The following DLGAP2 variants were observed in gnomAD, a reference collection of about 807,000 sequenced individuals.
DLGAP2 encodes the protein DLG associated protein 2, also known as disks large-associated protein 2.
A neutral mutation model predicts 100.3 loss-of-function variants in DLGAP2; 26 were observed. The observed-to-expected ratio is 0.26, with a 90% CI of 0.19 to 0.36. The LOEUF is 0.36. Ranked by LOEUF, DLGAP2 falls within the 10% of genes least tolerant of loss-of-function variation. DLGAP2 has a pLI of 1.00. For synonymous variants in DLGAP2, 886 were observed against 630.1 expected, an observed-to-expected ratio of 1.41 and a Z score of -6.08; for missense variants, 1,858 against 1,453.2, an observed-to-expected ratio of 1.28 and a Z score of -4.53.
chr8:1,437,630 C>T (rs1053404060), intron 3 of DLGAP2, among the ~76,000 whole-genome samples: 7 of 151,746 alleles, frequency 4.6e-5, no homozygotes, highest in African/African-American at 9.7e-5. Context: ...AAGTTATTTC[C>T]CCTCCATCAG....
At chr8:1,593,479 AAAAT>A (rs894731554) in intron 6 of DLGAP2, among the ~76,000 whole-genome samples, 13 of 151,836 alleles carry the variant, frequency 8.6e-5, no homozygotes, top group East Asian at 1.9e-4. Flanking sequence ...TAATAAAATA[AAAAT>A]AAATAAATAA....
intron 3 of DLGAP2, among the ~76,000 whole-genome samples, chr8:1,302,989 G>T (rs1024527256): frequency 1.3e-5 from 2 of 152,232 alleles, no homozygotes; most frequent in Non-Finnish European, 1.5e-5. Flanking sequence ...TTCCTTAGCT[G>T]TCGGCTGCAG....
intron 5 of DLGAP2, among the ~76,000 whole-genome samples, chr8:1,565,038 G>C (rs939079970): frequency 1.3e-5 from 2 of 151,828 alleles, no homozygotes; most frequent in South Asian, 4.1e-4. Context: ...CGTATAACAC[G>C]CACAGGTGAT....
At chr8:1,499,917 A>G (rs372154800) in intron 3 of DLGAP2, among the ~76,000 whole-genome samples, 9 of 143,260 alleles carry the variant, frequency 6.3e-5, no homozygotes, top group African/African-American at 1.8e-4. Flanking sequence ...AAGTGGCTCC[A>G]GCATCACACT....
chr8:1,676,131 CT>C (rs1184631531), intron 10 of DLGAP2, among the ~76,000 whole-genome samples: 1 of 152,158 alleles, frequency 6.6e-6, no homozygotes, highest in East Asian at 1.9e-4. Flanking sequence ...CAGTATAAGT[CT>C]TTTAAATCGC....
chr8:1,165,473 G>T (rs886488234), intron 2 of DLGAP2, among the ~76,000 whole-genome samples: 8 of 152,284 alleles, frequency 5.3e-5, no homozygotes, highest in African/African-American at 1.9e-4. Context: ...TGTTTTTGGT[G>T]CAAAGGGCAT....
intron 2 of DLGAP2, among the ~76,000 whole-genome samples, chr8:1,227,899 G>A (rs185569783): frequency 4.6e-5 from 7 of 152,286 alleles, no homozygotes; most frequent in Admixed American, 4.6e-4. Context: ...GTACGTCTTA[G>A]CTGCTCTTGC....
chr8:1,372,059 A>T (rs1326559404), intron 3 of DLGAP2, among the ~76,000 whole-genome samples: 1 of 152,200 alleles, frequency 6.6e-6, no homozygotes, highest in African/African-American at 2.4e-5. Context: ...TGAGGCACAC[A>T]CTGCTCAGGC....
chr8:1,417,668 C>A (rs11781585), intron 3 of DLGAP2, among the ~76,000 whole-genome samples: 62,641 of 116,566 alleles, frequency 0.54, 19,290 homozygotes, highest in African/African-American at 0.69. Context: ...TGCCTCACTC[C>A]GCGAGGCTCC....
chr8:1,235,424 A>G lies in DLGAP2; in HGVS notation c.74-23427A>G, dbSNP rs373241285. On this transcript the variant is annotated intron_variant, in intron 2 of 14. Coordinates refer to ENST00000637795, the MANE Select transcript of DLGAP2 (RefSeq NM_001346810.2). ...TTCTCTCTCACGTGGCATCGTGTCTAGTTCCCTCACACATGGCGTCGTGTC... is the reference window on the plus strand; with the variant it reads ...TTCTCTCTCACGTGGCATCGTGTCTGGTTCCCTCACACATGGCGTCGTGTC... Among the ~76,000 whole-genome samples, 3 of 149,050 alleles carry G rather than the reference A, an allele frequency of 2.0e-5. No individual in the cohort carries two copies. In the South Asian group the frequency reaches 6.4e-4, roughly 32 times the overall value.
intron 2 of DLGAP2, among the ~76,000 whole-genome samples, chr8:962,350 C>G (rs1300265915): frequency 6.6e-6 from 1 of 152,182 alleles, no homozygotes; most frequent in Non-Finnish European, 1.5e-5. Flanking sequence ...CTCATCAGTG[C>G]CATCCGGTCT....
At chr8:1,092,290 G>A (rs776201801) in intron 2 of DLGAP2, among the ~76,000 whole-genome samples, 3 of 152,188 alleles carry the variant, frequency 2.0e-5, no homozygotes, top group African/African-American at 4.8e-5. Context: ...CCACTGTGCC[G>A]GGCTGGCACC....
chr8:1,194,799 G>A (rs17065776), intron 2 of DLGAP2, among the ~76,000 whole-genome samples: 6,102 of 152,218 alleles, frequency 0.04, 406 homozygotes, highest in African/African-American at 0.14. Context: ...GTCTCTTATC[G>A]TCCTCTCTGG....
At position 1,154,864 on chromosome 8, in the gene DLGAP2, C is replaced by T. The variant is rs181502713; in HGVS notation, c.74-103987C>T. ...TTAGGATTTCAGCTGCCGCTCTGCT[C>T]TTCCACCCTCCAGTGTCTGCTACCT... is the stretch of plus-strand genomic sequence containing the variant. On this transcript the variant is annotated intron_variant, in intron 2 of 14. Transcript: ENST00000637795. Among the ~76,000 whole-genome samples the T allele has an allele frequency of 1.9e-3, 289 of 152,340 alleles. 3 individuals are homozygous for T. In the South Asian group the frequency reaches 0.022, roughly 11 times the overall value.
chr8:1,624,197 G>T lies in DLGAP2; in HGVS notation c.1443-2543G>T, dbSNP rs34730081. 4.7e-3 allele frequency among the ~76,000 whole-genome samples: 721 copies of T among 152,292 alleles called. 3 individuals are homozygous for T. The highest frequency in any genetic ancestry group is 6.5e-3 in the Non-Finnish European group (444 of 68,034). ...AACGGTGGTGTTAATCAGAAGGAAC[G>T]GCTGTTGTATTGGAAGAAAATTGGT... is the stretch of plus-strand genomic sequence containing the variant. On this transcript the variant is annotated intron_variant, in intron 6 of 14. Transcript: ENST00000637795.
chr8:1,441,418 G>C (rs1286433241), intron 3 of DLGAP2, among the ~76,000 whole-genome samples: 1 of 152,116 alleles, frequency 6.6e-6, no homozygotes, highest in Non-Finnish European at 1.5e-5. Flanking sequence ...GGCCGGGCAT[G>C]GTGGCTCACT....
chr8:1,596,889 C>A (rs955599687), intron 6 of DLGAP2, among the ~76,000 whole-genome samples: 1 of 152,098 alleles, frequency 6.6e-6, no homozygotes, highest in South Asian at 2.1e-4. Flanking sequence ...TTTGTCAATT[C>A]TGGCTTTTGT....
intron 1 of DLGAP2, among the ~76,000 whole-genome samples, chr8:826,326 T>C (rs192646130): frequency 7.2e-5 from 11 of 152,346 alleles, no homozygotes; most frequent in Non-Finnish European, 1.5e-5. Flanking sequence ...ATTTCCTTCC[T>C]TTTGGCTTGG....
chr8:1,116,297 A>G (rs981035687), intron 2 of DLGAP2, among the ~76,000 whole-genome samples: 1 of 152,308 alleles, frequency 6.6e-6, no homozygotes, highest in Non-Finnish European at 1.5e-5. Context: ...ACCACCCTCC[A>G]AAGCACCAGC....
Sources: gnomAD v4.1 joint callset for allele counts (sites outside exome capture counted in the v4.1 genomes callset) on GRCh38, gnomAD v4.1.1 for gene constraint, MANE v1.5 for transcripts, NCBI Gene and HGNC (gene_info 2026-07-23, HGNC 2026-07-21) for gene names.